MIS18A: variants seen among roughly 807,000 people sequenced by gnomAD.
The protein encoded by MIS18A is protein Mis18-alpha.
Under a neutral mutation model 25.0 loss-of-function variants are expected in MIS18A, and 14 were observed. The ratio of observed to expected loss-of-function variants is 0.56; its 90% CI spans 0.37 to 0.88. The LOEUF (loss-of-function observed/expected upper bound fraction) is 0.88. Ranked by LOEUF, MIS18A falls within the 40% of genes least tolerant of loss-of-function variation. The pLI is 0.00. For missense variants in MIS18A, 292 were observed against 290.8 expected, an observed-to-expected ratio of 1.00 and a Z score of -0.03; for synonymous variants, 134 against 118.6, an observed-to-expected ratio of 1.13 and a Z score of -0.84.
the MIS18A span, among the ~76,000 whole-genome samples, chr21:32,243,730 C>T: frequency 4.6e-3 from 697 of 152,112 alleles, 4 homozygotes; most frequent in African/African-American, 0.016. Context: ...GTTTTATTCA[C>T]GACAAGGCCA....
At chr21:32,164,814 C>G in the MIS18A span, among the ~76,000 whole-genome samples, 2 of 152,044 alleles carry the variant, frequency 1.3e-5, no homozygotes, top group African/African-American at 4.8e-5. Flanking sequence ...AACAAATCCC[C>G]AGAAAATTGC....
the MIS18A span, among the ~76,000 whole-genome samples, chr21:32,245,739 G>T: frequency 6.6e-6 from 1 of 152,214 alleles, no homozygotes; most frequent in African/African-American, 2.4e-5. Flanking sequence ...GTAAGTGGCA[G>T]TTTTGTGGGA....
At chr21:32,157,311 C>T in the MIS18A span, among the ~76,000 whole-genome samples, 2 of 142,618 alleles carry the variant, frequency 1.4e-5, no homozygotes, top group Admixed American at 7.3e-5. Flanking sequence ...CTTAGTGATC[C>T]ACCTTCCTCA....
At chr21:32,256,570 G>A in the MIS18A span, among the ~76,000 whole-genome samples, 84 of 152,216 alleles carry the variant, frequency 5.5e-4, no homozygotes, top group Non-Finnish European at 8.8e-4. Flanking sequence ...CCTGTTTCGC[G>A]AATGTGCCCT....
At chr21:32,177,254 T>C in the MIS18A span, among the ~76,000 whole-genome samples, 1 of 152,326 alleles carries the variant, frequency 6.6e-6, no homozygotes, top group Non-Finnish European at 1.5e-5. Context: ...AAATTTCATC[T>C]CTATTCATGG....
chr21:32,232,839 C>T, the MIS18A span, among the ~76,000 whole-genome samples: 1 of 152,048 alleles, frequency 6.6e-6, no homozygotes, highest in South Asian at 2.1e-4. Flanking sequence ...TAATGTACAA[C>T]ATGAGGACTA....
At chr21:32,172,869 T>G in the MIS18A span, among the ~76,000 whole-genome samples, 2 of 152,142 alleles carry the variant, frequency 1.3e-5, no homozygotes, top group East Asian at 3.9e-4. Context: ...AATTGTCTTT[T>G]CAACAAATGG....
the MIS18A span, among the ~76,000 whole-genome samples, chr21:32,216,497 T>C: frequency 0.017 from 2,664 of 152,326 alleles, 56 homozygotes; most frequent in Non-Finnish European, 0.021. Flanking sequence ...ACAAAGCATC[T>C]TGACTGCCTG....
At chr21:32,156,324 G>C in the MIS18A span, 2 of 152,078 alleles carry the variant, frequency 1.3e-5, no homozygotes, top group Non-Finnish European at 1.5e-5. Context: ...CATTAATATA[G>C]AGGTAGCTTT....
At chr21:32,157,048 TTC>T in the MIS18A span, among the ~76,000 whole-genome samples, 3 of 121,252 alleles carry the variant, frequency 2.5e-5, no homozygotes, top group African/African-American at 7.9e-5. Flanking sequence ...TTTCCTTTCT[TTC>T]TTTCTTTTTT....
the MIS18A span, among the ~76,000 whole-genome samples, chr21:32,250,885 A>T: frequency 1.3e-5 from 2 of 152,326 alleles, no homozygotes; most frequent in Non-Finnish European, 2.9e-5. Context: ...CCTCACTTGA[A>T]TTGTAGTTCC....
rs2031655018 is a variant in MIS18A at position 32,268,824 on chromosome 21, G to A, written c.*213C>T. 9 of 381,548 alleles carry A rather than the reference G, an allele frequency of 2.4e-5. No individual in the cohort carries two copies. In the East Asian group the frequency reaches 3.6e-4, roughly 15 times the overall value. The allele number at this position is 381,548 out of a possible 1,614,324, so 23.6% of individuals were successfully genotyped here. A position where few individuals can be genotyped will look rare whatever the true frequency, so the allele number is the denominator to read the frequency against. The stretch of plus-strand genomic sequence containing the variant: ...TTTTTTTGAGAGAAGGTCTCACTCT[G>A]TTGCCCAGACTAGAACACAGTAGTG... On this transcript the variant is annotated 3_prime_UTR_variant, in exon 5 of 5. Coordinates refer to ENST00000290130, the MANE Select transcript of MIS18A (RefSeq NM_018944.3).
chr21:32,192,066 A>T, the MIS18A span, among the ~76,000 whole-genome samples: 1 of 152,206 alleles, frequency 6.6e-6, no homozygotes, highest in Non-Finnish European at 1.5e-5. Flanking sequence ...GGAAGGGAAG[A>T]TATCTCACCA....
At chr21:32,161,945 C>G in the MIS18A span, among the ~76,000 whole-genome samples, 2,385 of 151,998 alleles carry the variant, frequency 0.016, 67 homozygotes, top group African/African-American at 0.053. Flanking sequence ...CTCTACTTTC[C>G]ACTAGATTAT....
chr21:32,247,480 C>G, the MIS18A span, among the ~76,000 whole-genome samples: 1 of 152,218 alleles, frequency 6.6e-6, no homozygotes, highest in Non-Finnish European at 1.5e-5. Flanking sequence ...GTCTTCCTAA[C>G]AAGCCTGTCA....
At chr21:32,212,556 G>A in the MIS18A span, among the ~76,000 whole-genome samples, 2 of 152,122 alleles carry the variant, frequency 1.3e-5, no homozygotes, top group East Asian at 3.9e-4. Flanking sequence ...ACAGGACAGG[G>A]GCCCTTCTGG....
At chr21:32,209,129 G>C in the MIS18A span, among the ~76,000 whole-genome samples, 1 of 150,064 alleles carries the variant, frequency 6.7e-6, no homozygotes, top group Non-Finnish European at 1.5e-5. Flanking sequence ...ACTTTTAATG[G>C]AATCCCCCAG....
At chr21:32,263,847 G>A (rs1481122386), downstream of MIS18A, among the ~76,000 whole-genome samples, 1 of 149,248 alleles carries the variant, frequency 6.7e-6, no homozygotes, top group Non-Finnish European at 1.5e-5. Flanking sequence ...GATTTCTCAG[G>A]TGTAAATATC....
downstream of MIS18A, among the ~76,000 whole-genome samples, chr21:32,265,554 T>C (rs1396311921): frequency 1.3e-5 from 2 of 152,210 alleles, no homozygotes; most frequent in Non-Finnish European, 2.9e-5. Context: ...CGCCAGGCCT[T>C]AGCTGCCTTC....
Sources: allele counts gnomAD v4.1 joint callset (sites outside exome capture counted in the v4.1 genomes callset), GRCh38; gene constraint gnomAD v4.1.1; transcripts MANE v1.5; gene names NCBI Gene and HGNC (gene_info 2026-07-23, HGNC 2026-07-21).